Variants in CSMD3 observed in about 807,000 individuals in gnomAD.
The protein encoded by CSMD3 is CUB and Sushi multiple domains 3, also known as CUB and sushi domain-containing protein 3.
A neutral mutation model predicts 435.2 loss-of-function variants in CSMD3; 177 were observed. The observed-to-expected ratio is 0.41, with a 90% confidence interval of 0.36 to 0.46. The LOEUF is 0.46. Among genes scored for constraint, CSMD3 ranks in the 20% least tolerant of loss-of-function variants. The pLI is 0.34. For synonymous variants in CSMD3, 1,656 were observed against 1,520.5 expected (o/e 1.09, Z -2.07); for missense variants, 4,265 against 4,504.6 (o/e 0.95, Z 1.52).
chr8:112,274,581 A>G (rs1817852738), intron 59 of CSMD3, among the ~76,000 whole-genome samples: 1 of 152,204 alleles, frequency 6.6e-6, no homozygotes, highest in African/African-American at 2.4e-5. Context: ...TTTGAGAAAA[A>G]ACTACCCCAA....
intron 3 of CSMD3, among the ~76,000 whole-genome samples, chr8:113,202,110 T>C (rs1302498170): frequency 6.6e-6 from 1 of 152,112 alleles, no homozygotes; most frequent in East Asian, 1.9e-4. Context: ...TCGTAACACT[T>C]GACTTCATAT....
intron 66 of CSMD3, among the ~76,000 whole-genome samples, chr8:112,238,171 T>C (rs1228118435): frequency 6.6e-6 from 1 of 151,994 alleles, no homozygotes; most frequent in Non-Finnish European, 1.5e-5. Flanking sequence ...GGATTAATCC[T>C]ATACCTCACA....
chr8:112,609,194 A>G (rs1833036559), intron 22 of CSMD3, among the ~76,000 whole-genome samples: 2 of 120,198 alleles, frequency 1.7e-5, no homozygotes, highest in African/African-American at 6.1e-5. Flanking sequence ...AGAGAAAGAT[A>G]CTGCCTCAAA....
chr8:112,592,190 G>A (rs942071811), intron 22 of CSMD3, among the ~76,000 whole-genome samples: 2 of 151,770 alleles, frequency 1.3e-5, no homozygotes, highest in Non-Finnish European at 2.9e-5. Context: ...TCTTAAATAG[G>A]CATTTCAATA....
At chr8:112,862,062 T>G (rs532816317) in intron 10 of CSMD3, among the ~76,000 whole-genome samples, 1 of 151,982 alleles carries the variant, frequency 6.6e-6, no homozygotes, top group East Asian at 1.9e-4. Context: ...TTCATAAATA[T>G]GTTTCACAGT....
At chr8:112,982,837 T>C (rs1564176533) in intron 6 of CSMD3, among the ~76,000 whole-genome samples, 1 of 152,006 alleles carries the variant, frequency 6.6e-6, no homozygotes, top group South Asian at 2.1e-4. Context: ...TAATACTTAA[T>C]GATGGCAAAA....
At chr8:112,916,364 A>G (rs1460341128) in intron 10 of CSMD3, among the ~76,000 whole-genome samples, 1 of 151,868 alleles carries the variant, frequency 6.6e-6, no homozygotes, top group Non-Finnish European at 1.5e-5. Context: ...ATCAAATAAC[A>G]TGTAAGTGAT....
intron 38 of CSMD3, among the ~76,000 whole-genome samples, chr8:112,361,491 G>T (rs1426023663): frequency 6.8e-6 from 1 of 147,994 alleles, no homozygotes; most frequent in South Asian, 2.1e-4. Context: ...TATCAGAAAT[G>T]TTGTTAATCA....
At chr8:112,619,735 TTAAA>T (rs953405285) in intron 22 of CSMD3, among the ~76,000 whole-genome samples, 1 of 152,126 alleles carries the variant, frequency 6.6e-6, no homozygotes, top group African/African-American at 2.4e-5. Context: ...GGGTATTCTC[TTAAA>T]TAATCAATTT....
At chr8:112,537,299 C>T (rs55876123) in intron 27 of CSMD3, among the ~76,000 whole-genome samples, 3 of 151,482 alleles carry the variant, frequency 2.0e-5, no homozygotes, top group Admixed American at 6.6e-5. Context: ...AGAAGTAGAA[C>T]GTCTTCAAAT....
chr8:112,459,660 TG>T (rs1417680093), intron 32 of CSMD3, among the ~76,000 whole-genome samples: 2 of 152,142 alleles, frequency 1.3e-5, no homozygotes, highest in African/African-American at 2.4e-5. Context: ...TCTGTTTCAT[TG>T]GGCATTAGGT....
intron 57 of CSMD3, among the ~76,000 whole-genome samples, chr8:112,287,769 A>G (rs188845733): frequency 3.9e-5 from 6 of 152,214 alleles, no homozygotes; most frequent in African/African-American, 1.2e-4. Flanking sequence ...TTCTCTACCA[A>G]TGACCAATGA....
intron 58 of CSMD3, among the ~76,000 whole-genome samples, chr8:112,285,206 T>C (rs946475611): frequency 1.3e-5 from 2 of 152,218 alleles, no homozygotes; most frequent in East Asian, 3.9e-4. Flanking sequence ...ATCTATAAAA[T>C]ATTTTGTAGG....
intron 5 of CSMD3, among the ~76,000 whole-genome samples, chr8:113,043,685 A>G (rs148614757): frequency 1.1e-3 from 174 of 152,282 alleles, no homozygotes; most frequent in Non-Finnish European, 2.2e-3. Flanking sequence ...GAATATAGTG[A>G]AAGTCTGAAC....
In CSMD3 at chr8:113,067,397, C is replaced by A. The variant is rs538275389; in HGVS notation, c.917+31359G>T. 2.6e-5 allele frequency among the ~76,000 whole-genome samples: 4 copies of A among 152,112 alleles called. No individual in the cohort carries two copies. The East Asian group carries it at 7.7e-4, about 29-fold the overall frequency. ...CAATCCTACTGAGAGCAGACTAGTA[C>A]GGAATGGACTGAAATTGCAGCATAG... On this transcript the variant is annotated intron_variant, in intron 5 of 70. Coordinates refer to ENST00000297405, the MANE Select transcript of CSMD3 (RefSeq NM_198123.2).
intron 13 of CSMD3, among the ~76,000 whole-genome samples, chr8:112,744,260 A>T (rs1453732376): frequency 6.6e-6 from 1 of 152,090 alleles, no homozygotes; most frequent in Non-Finnish European, 1.5e-5. Flanking sequence ...TACATCAGAA[A>T]GAAGTTTACA....
At chr8:112,308,622 C>T (rs759866982) in intron 50 of CSMD3, among the ~76,000 whole-genome samples, 6 of 151,754 alleles carry the variant, frequency 4.0e-5, no homozygotes, top group Middle Eastern at 6.4e-3. Flanking sequence ...AAAAGTGAGA[C>T]GGAATACAAA....
chr8:113,392,780 A>G (rs970436558), intron 1 of CSMD3, among the ~76,000 whole-genome samples: 1 of 152,024 alleles, frequency 6.6e-6, no homozygotes, highest in African/African-American at 2.4e-5. Flanking sequence ...TAATTTATGA[A>G]GAACTTTCAT....
intron 3 of CSMD3, among the ~76,000 whole-genome samples, chr8:113,241,937 T>TA (rs573350758): frequency 3.3e-5 from 5 of 151,048 alleles, no homozygotes; most frequent in African/African-American, 1.2e-4. Context: ...ACTGTTTATA[T>TA]AAAAAATTAC....
Sources: gnomAD v4.1 joint callset for allele counts (sites outside exome capture counted in the v4.1 genomes callset) on GRCh38, gnomAD v4.1.1 for gene constraint, MANE v1.5 for transcripts, NCBI Gene and HGNC (gene_info 2026-07-23, HGNC 2026-07-21) for gene names.